Variants in PTCD2 observed in about 807,000 individuals in gnomAD.
PTCD2 encodes pentatricopeptide repeat domain 2, also known as pentatricopeptide repeat-containing protein 2, mitochondrial.
PTCD2 carries 31 observed loss-of-function variants against 42.6 expected under a neutral mutation model. The ratio of observed to expected loss-of-function variants is 0.73; its 90% CI spans 0.55 to 0.98. The LOEUF (loss-of-function observed/expected upper bound fraction) is 0.98. Ranked by LOEUF, PTCD2 falls within the 50% of genes least tolerant of loss-of-function variation. The pLI, the probability that PTCD2 is intolerant of heterozygous loss-of-function variation, is 0.00. For synonymous variants in PTCD2, 183 were observed against 170.9 expected (o/e 1.07, Z -0.55); for missense variants, 476 against 454.8 (o/e 1.05, Z -0.42).
At chr5:72,356,424 A>G (rs1433273603) in intron 9 of PTCD2, among the ~76,000 whole-genome samples, 2 of 152,240 alleles carry the variant, frequency 1.3e-5, no homozygotes, top group East Asian at 1.9e-4. Context: ...ATTGATTCAT[A>G]TAACTCCAGT....
rs1753048683 is a variant in PTCD2 at position 72,359,745 on chromosome 5, C to T, written c.*1318C>T. On this transcript the variant is annotated 3_prime_UTR_variant, in exon 10 of 10. Coordinates refer to ENST00000380639, the MANE Select transcript of PTCD2 (RefSeq NM_024754.5). ...GAGGACAGGATCCGCATATGAGAGT[C>T]GCACATTGGTATAATTGATTTGTGG... The T allele has an allele frequency of 1.3e-5, 2 of 152,090 alleles. No individual in the cohort carries two copies. Among genetic ancestry groups the T allele is most frequent in the South Asian group, 2.1e-4 (1 of 4,826 alleles). The allele number at this position is 152,090 out of a possible 1,614,324, so 9.4% of individuals were successfully genotyped here.
chr5:72,338,832 G>A (rs993816989), intron 7 of PTCD2, 97 bp downstream of exon 7: 9 of 649,540 alleles, frequency 1.4e-5, no homozygotes, highest in South Asian at 2.2e-5. Flanking sequence ...TGACTGCATC[G>A]TAAAGAAGTA....
intron 9 of PTCD2, among the ~76,000 whole-genome samples, 180 bp from the exon 10 acceptor site, chr5:72,358,023 A>ATCCTGTGCTCAAGCAGTCC (rs1752964060): frequency 6.6e-6 from 1 of 152,068 alleles, no homozygotes; most frequent in Non-Finnish European, 1.5e-5. Flanking sequence ...TGGCCTAGAA[A>ATCCTGTGCTCAAGCAGTCC]TCCTGTGCTC....
intron 8 of PTCD2, among the ~76,000 whole-genome samples, chr5:72,351,611 G>A (rs1448886264): frequency 1.3e-5 from 2 of 152,194 alleles, no homozygotes. Flanking sequence ...GGGGGAAGGC[G>A]AAGGAGAAGC....
At chr5:72,337,939 C>G (rs957483987) in intron 6 of PTCD2, among the ~76,000 whole-genome samples, 1 of 152,188 alleles carries the variant, frequency 6.6e-6, no homozygotes, top group African/African-American at 2.4e-5. Flanking sequence ...CACATCAATT[C>G]TGGGAACTGT....
intron 3 of PTCD2, among the ~76,000 whole-genome samples, chr5:72,327,727 C>T (rs1306635805): frequency 6.6e-6 from 1 of 152,168 alleles, no homozygotes. Context: ...TCCACCTCAG[C>T]CTCCCAAAGG....
chr5:72,341,312 G>A (rs961232739), intron 7 of PTCD2, among the ~76,000 whole-genome samples: 8 of 152,044 alleles, frequency 5.3e-5, no homozygotes, highest in Non-Finnish European at 1.0e-4. Flanking sequence ...CCAAAGTGCC[G>A]GGATTACAGG....
At chr5:72,356,619 T>G (rs1415372116) in intron 9 of PTCD2, among the ~76,000 whole-genome samples, 1 of 152,230 alleles carries the variant, frequency 6.6e-6, no homozygotes, top group Non-Finnish European at 1.5e-5. Context: ...CTATTGAAAA[T>G]AATTGCTGAT....
Position 72,365,688 on chromosome 5 carries a change from G to T in PTCD2, c.*7261G>T, listed in dbSNP as rs183765457. The T allele has an allele frequency of 6.6e-6, 1 of 152,128 alleles. No homozygotes were observed. Among genetic ancestry groups the T allele is most frequent in the Non-Finnish European group, 1.5e-5 (1 of 68,026 alleles). 9.4% of individuals were successfully genotyped at this position (152,128 alleles called of 1,614,324 possible). A position where few individuals can be genotyped will look rare whatever the true frequency, so the allele number is the denominator to read the frequency against. On this transcript the variant is annotated 3_prime_UTR_variant, in exon 10 of 10. Coordinates refer to ENST00000380639, the MANE Select transcript of PTCD2 (RefSeq NM_024754.5). ...TCAGGTAGGGTGAGGAGTATGTTCC[G>T]GTTATAGCTGGTAGCAAGATGGCTG...
At chr5:72,344,919 T>A (rs1428750422) in intron 8 of PTCD2, among the ~76,000 whole-genome samples, 1 of 152,088 alleles carries the variant, frequency 6.6e-6, no homozygotes, top group Non-Finnish European at 1.5e-5. Flanking sequence ...CAGGGCGAGA[T>A]CACAGGACCA....
At chr5:72,337,865 G>A (rs1751839840) in intron 6 of PTCD2, among the ~76,000 whole-genome samples, 1 of 152,098 alleles carries the variant, frequency 6.6e-6, no homozygotes, top group African/African-American at 2.4e-5. Context: ...TCATGTCCAA[G>A]AATAACTTGT....
At chr5:72,350,042 C>T (rs1752544839) in intron 8 of PTCD2, among the ~76,000 whole-genome samples, 1 of 152,208 alleles carries the variant, frequency 6.6e-6, no homozygotes, top group Non-Finnish European at 1.5e-5. Context: ...GGGAACCAAG[C>T]TCCTCTTCTT....
chr5:72,325,955 G>A (rs1453858059), intron 2 of PTCD2, among the ~76,000 whole-genome samples: 2 of 152,228 alleles, frequency 1.3e-5, no homozygotes, highest in African/African-American at 4.8e-5. Context: ...AGACTGTGAT[G>A]ACACTGAAAT....
rs1374469927 is a variant in PTCD2, at chr5:72,364,935, A to G, written c.*6508A>G. On this transcript the variant is annotated 3_prime_UTR_variant, in exon 10 of 10. Coordinates refer to ENST00000380639, the MANE Select transcript of PTCD2 (RefSeq NM_024754.5). ...GCGGTGGGCACAACGGTTCCAGGTG[A>G]CTTTCAAGTTGCTAATGAAAGAGGA... is the stretch of plus-strand genomic sequence containing the variant. 6.6e-6 allele frequency: 1 copy of G among 152,256 alleles called. No homozygotes were observed. Among genetic ancestry groups the G allele is most frequent in the East Asian group, 1.9e-4 (1 of 5,194 alleles). 9.4% of individuals were successfully genotyped at this position (152,256 alleles called of 1,614,324 possible).
Position 72,364,354 on chromosome 5 carries a change from G to A in PTCD2, c.*5927G>A, listed in dbSNP as rs1753154507. 6.6e-6 allele frequency: 1 copy of A among 152,210 alleles called. No individual in the cohort carries two copies. The highest frequency in any genetic ancestry group is 2.1e-4 in the South Asian group (1 of 4,828). The allele number at this position is 152,210 out of a possible 1,614,324, so 9.4% of individuals were successfully genotyped here. On this transcript the variant is annotated 3_prime_UTR_variant, in exon 10 of 10. Transcript: ENST00000380639. ...GCAGTTGGGATAAGTGCTAAGTCTA[G>A]GGTAATCTTCATATCACCCTGTGGC...
intron 4 of PTCD2, among the ~76,000 whole-genome samples, chr5:72,334,555 T>C (rs1292115496): frequency 6.6e-6 from 1 of 152,030 alleles, no homozygotes; most frequent in African/African-American, 2.4e-5. Context: ...TTTTTCTTTT[T>C]TTTTTTTTCT....
intron 7 of PTCD2, 39 bp from the exon 8 acceptor site, chr5:72,342,923 C>G: frequency 7.8e-7 from 1 of 1,289,798 alleles, no homozygotes; most frequent in South Asian, 1.3e-5. Flanking sequence ...AACATTAGTT[C>G]CTATGATATG....
intron 1 of PTCD2, chr5:72,320,750 G>A: frequency 1.9e-6 from 1 of 526,006 alleles, no homozygotes; most frequent in Non-Finnish European, 3.4e-6. Flanking sequence ...TGCTCCCTCA[G>A]ATGGGGCGAC....
chr5:72,367,554 A>G lies in PTCD2; in HGVS notation c.*9127A>G, dbSNP rs556136686. 19 of 152,304 alleles carry G rather than the reference A, an allele frequency of 1.2e-4. No homozygotes were observed. The highest frequency in any genetic ancestry group is 4.1e-4 in the African/African-American group (17 of 41,560). 9.4% of individuals were successfully genotyped at this position (152,304 alleles called of 1,614,324 possible). ...CTCAGGGATAAAGGTACTAGAAAAA[A>G]TCTTGGGGAAAATCCTATTGTACAT... is the stretch of plus-strand genomic sequence containing the variant. On this transcript the variant is annotated 3_prime_UTR_variant, in exon 10 of 10. Transcript: ENST00000380639.
Sources: gnomAD v4.1 joint callset for allele counts (sites outside exome capture counted in the v4.1 genomes callset) on GRCh38, gnomAD v4.1.1 for gene constraint, MANE v1.5 for transcripts, NCBI Gene and HGNC (gene_info 2026-07-23, HGNC 2026-07-21) for gene names.